The following ATE1 variants were observed in gnomAD, a reference collection of about 807,000 sequenced individuals.
ATE1 encodes the protein arginyl-tRNA--protein transferase 1.
Under a neutral mutation model 70.5 loss-of-function variants are expected in ATE1, and 36 were observed. That is an observed-to-expected ratio of 0.51 (90% CI 0.39 to 0.67). The LOEUF is 0.67. ATE1 is among the 30% of genes least tolerant of loss of function. The pLI is 0.00. For missense variants in ATE1, 593 were observed against 629.5 expected, an observed-to-expected ratio of 0.94 and a Z score of 0.62; for synonymous variants, 232 against 219.3, an observed-to-expected ratio of 1.06 and a Z score of -0.51.
At chr10:121,797,566 C>CA (rs1050212215) in intron 10 of ATE1, among the ~76,000 whole-genome samples, 1 of 140,100 alleles carries the variant, frequency 7.1e-6, no homozygotes, top group African/African-American at 2.6e-5. Flanking sequence ...CCTCACATAC[C>CA]ACACTTCCTA....
chr10:121,818,393 G>T (rs1472921072), intron 10 of ATE1, among the ~76,000 whole-genome samples: 3 of 151,692 alleles, frequency 2.0e-5, no homozygotes, highest in Non-Finnish European at 4.4e-5. Flanking sequence ...ACATCAGCAC[G>T]TGAACATAAA....
intron 1 of ATE1, chr10:121,926,758 C>T (rs1408544006): frequency 1.1e-5 from 11 of 985,354 alleles, no homozygotes; most frequent in African/African-American, 5.2e-5. Flanking sequence ...GGTGTACTTC[C>T]GGGCCTTCTT....
intron 3 of ATE1, among the ~76,000 whole-genome samples, chr10:121,919,524 G>A (rs1951795922): frequency 6.6e-6 from 1 of 152,012 alleles, no homozygotes; most frequent in South Asian, 2.1e-4. Flanking sequence ...TAGCACCACT[G>A]CACTCCAGCC....
chr10:121,750,049 C>T (rs905207612), intron 11 of ATE1, among the ~76,000 whole-genome samples: 7 of 152,224 alleles, frequency 4.6e-5, no homozygotes, highest in African/African-American at 1.7e-4. Context: ...ACATAATTAA[C>T]ATGAAAACCT....
chr10:121,907,686 G>A (rs7089772), intron 5 of ATE1, among the ~76,000 whole-genome samples: 1,596 of 151,426 alleles, frequency 0.011, 32 homozygotes, highest in African/African-American at 0.037. Flanking sequence ...GGAGAATGGC[G>A]TGAACCCGGG....
intron 10 of ATE1, among the ~76,000 whole-genome samples, chr10:121,808,059 C>T (rs1431415675): frequency 6.6e-6 from 1 of 151,914 alleles, no homozygotes; most frequent in Non-Finnish European, 1.5e-5. Flanking sequence ...ATTGGGGGCT[C>T]AAGGGTCTGT....
At chr10:121,920,885 T>C (rs905484123) in intron 3 of ATE1, among the ~76,000 whole-genome samples, 1 of 151,736 alleles carries the variant, frequency 6.6e-6, no homozygotes, top group Non-Finnish European at 1.5e-5. Context: ...TCCCAGCTAC[T>C]CGGGAGGCTG....
At chr10:121,831,446 T>TA (rs1454626415) in intron 10 of ATE1, among the ~76,000 whole-genome samples, 4 of 152,164 alleles carry the variant, frequency 2.6e-5, no homozygotes, top group African/African-American at 9.7e-5. Context: ...ACTGACTGAT[T>TA]AGACGACGAC....
chr10:121,746,385 T>C (rs1259571939), intron 11 of ATE1, among the ~76,000 whole-genome samples: 1 of 152,212 alleles, frequency 6.6e-6, no homozygotes, highest in Non-Finnish European at 1.5e-5. Flanking sequence ...AATTACAGAC[T>C]TTCACGCTGG....
intron 5 of ATE1, among the ~76,000 whole-genome samples, chr10:121,907,910 C>A (rs1391076165): frequency 6.6e-6 from 1 of 152,154 alleles, no homozygotes; most frequent in Non-Finnish European, 1.5e-5. Context: ...CACTCCTAAT[C>A]TAGTGTGTGA....
At position 121,853,232 on chromosome 10, in the gene ATE1, C is replaced by T. The variant is rs536631838; in HGVS notation, c.976-11969G>A. 1.6e-4 allele frequency among the ~76,000 whole-genome samples: 25 copies of T among 151,834 alleles called. No homozygotes were observed. In the South Asian group the frequency reaches 3.1e-3, roughly 19 times the overall value. On this transcript the variant is annotated intron_variant, in intron 8 of 11. Transcript: ENST00000224652. ...ACAAAAAATTAGCCGGGCATGGTGG[C>T]GGGCGCCTGTAGTCCCACCTACTCG...
intron 11 of ATE1, chr10:121,782,608 C>T (rs1946040496): frequency 2.0e-5 from 3 of 152,112 alleles, no homozygotes; most frequent in African/African-American, 7.2e-5. Flanking sequence ...AATTTTAATG[C>T]TTTTTCAGTA....
In ATE1 at chr10:121,918,332, CAAAA is replaced by C. The variant is rs1256639168; in HGVS notation, c.233+4013_233+4016del. Among the ~76,000 whole-genome samples the C allele has an allele frequency of 8.8e-5, 7 of 79,836 alleles. No individual in the cohort carries two copies. In the South Asian group the frequency reaches 2.4e-3, roughly 27 times the overall value. The allele number at this position is 79,836 out of a possible 152,430, so 52.4% of individuals were successfully genotyped here. A position where few individuals can be genotyped will look rare whatever the true frequency, so the allele number is the denominator to read the frequency against. ...TGGGAGACTAAACAAGATTCTGTCT[CAAAA>C]AAAAAAAAAAAAGATGATGTATAAT... On this transcript the variant is annotated intron_variant, in intron 3 of 11. Transcript: ENST00000224652.
chr10:121,904,372 T>C (rs1951104871), intron 5 of ATE1, among the ~76,000 whole-genome samples: 1 of 151,566 alleles, frequency 6.6e-6, no homozygotes, highest in Non-Finnish European at 1.5e-5. Context: ...CCCGGTGCAG[T>C]GGCTCATGCC....
At chr10:121,878,700 AAAG>A (rs1039684405) in intron 7 of ATE1, among the ~76,000 whole-genome samples, 25 of 152,296 alleles carry the variant, frequency 1.6e-4, no homozygotes, top group African/African-American at 6.0e-4. Flanking sequence ...AAGGAAATAA[AAAG>A]AAGAAAAAAC....
intron 7 of ATE1, among the ~76,000 whole-genome samples, chr10:121,894,862 C>T (rs1000306045): frequency 6.6e-6 from 1 of 152,010 alleles, no homozygotes; most frequent in African/African-American, 2.4e-5. Flanking sequence ...GATCGCACCG[C>T]TGCACTCCAG....
chr10:121,771,253 T>C (rs569784968), intron 11 of ATE1, among the ~76,000 whole-genome samples: 1 of 152,222 alleles, frequency 6.6e-6, no homozygotes, highest in African/African-American at 2.4e-5. Context: ...GTATTTTTAG[T>C]AGAGACGGGG....
At chr10:121,784,817 C>G (rs558141294) in intron 11 of ATE1, among the ~76,000 whole-genome samples, 3 of 152,022 alleles carry the variant, frequency 2.0e-5, no homozygotes, top group Non-Finnish European at 4.4e-5. Context: ...TGGTATCACG[C>G]CACTGCACTC....
At chr10:121,836,006 C>T (rs1441773378) in intron 10 of ATE1, among the ~76,000 whole-genome samples, 1 of 152,148 alleles carries the variant, frequency 6.6e-6, no homozygotes, top group Admixed American at 6.5e-5. Flanking sequence ...AATTTAGGTA[C>T]CTTAGCCTGG....
Sources: gnomAD v4.1 joint callset for allele counts (sites outside exome capture counted in the v4.1 genomes callset) on GRCh38, gnomAD v4.1.1 for gene constraint, MANE v1.5 for transcripts, NCBI Gene and HGNC (gene_info 2026-07-23, HGNC 2026-07-21) for gene names.